NRP2: variants seen among roughly 807,000 people sequenced by gnomAD.
NRP2 encodes neuropilin-2.
NRP2 carries 52 observed loss-of-function variants against 110.4 expected under a neutral mutation model. The observed-to-expected ratio is 0.47, with a 90% CI of 0.38 to 0.59. The LOEUF is 0.59. Among genes scored for constraint, NRP2 ranks in the 20% least tolerant of loss-of-function variants. The pLI, the probability that NRP2 is intolerant of heterozygous loss-of-function variation, is 0.00. For synonymous variants in NRP2, 508 were observed against 468.9 expected (o/e 1.08, Z -1.08); for missense variants, 1,049 against 1,203.0 (o/e 0.87, Z 1.89).
intron 15 of NRP2, among the ~76,000 whole-genome samples, chr2:205,784,138 C>T (rs564897583): frequency 4.5e-4 from 69 of 152,286 alleles, no homozygotes; most frequent in African/African-American, 1.6e-3. Context: ...TACCATGCCA[C>T]GGCTTTCAGC....
intron 12 of NRP2, among the ~76,000 whole-genome samples, chr2:205,755,164 G>A (rs190679242): frequency 2.5e-3 from 386 of 152,210 alleles, no homozygotes; most frequent in African/African-American, 8.8e-3. Context: ...GTTGACCTTT[G>A]CTACTGGTTG....
intron 1 of NRP2, among the ~76,000 whole-genome samples, chr2:205,692,888 C>A (rs2056342935): frequency 6.6e-6 from 1 of 152,180 alleles, no homozygotes; most frequent in Admixed American, 6.5e-5. Context: ...CCTTTAGAAT[C>A]ACCCCTCTCA....
At chr2:205,733,425 C>T (rs977299467) in intron 7 of NRP2, among the ~76,000 whole-genome samples, 4 of 152,148 alleles carry the variant, frequency 2.6e-5, no homozygotes, top group African/African-American at 9.7e-5. Flanking sequence ...TTCCTTGCCC[C>T]AACCCCAACT....
At chr2:205,684,146 G>A (rs1419593122) in intron 1 of NRP2, among the ~76,000 whole-genome samples, 1 of 152,236 alleles carries the variant, frequency 6.6e-6, no homozygotes, top group African/African-American at 2.4e-5. Context: ...TGTGTGGACA[G>A]GCTGCTGTGG....
At chr2:205,764,136 T>G (rs1203842474) in intron 13 of NRP2, 200 bp downstream of exon 13, 3 of 657,762 alleles carry the variant, frequency 4.6e-6, no homozygotes, top group Non-Finnish European at 7.6e-6. Flanking sequence ...GTTCCTCCTG[T>G]TGCCTTTTAT....
rs1575552052 is a variant in NRP2, at chr2:205,699,250, T to G, written c.251+1529T>G. On this transcript the variant is annotated intron_variant, in intron 2 of 16. Transcript: ENST00000357785. ...CCCAAGGCTTCTGATTCCCTGACAG[T>G]GAACTTTATCAAAGATTTCTGTTAG... Among the ~76,000 whole-genome samples, 3 of 152,240 alleles carry G rather than the reference T, an allele frequency of 2.0e-5. No individual in the cohort carries two copies. The South Asian group carries it at 6.2e-4, about 32-fold the overall frequency.
rs548104769 is a variant in NRP2, at chr2:205,797,804, T to G, written c.*2746T>G. 1 of 152,680 alleles carries G rather than the reference T, an allele frequency of 6.5e-6. No homozygotes were observed. The highest frequency in any genetic ancestry group is 2.4e-5 in the African/African-American group (1 of 41,528). The allele number at this position is 152,680 out of a possible 1,614,324, so 9.5% of individuals were successfully genotyped here. On this transcript the variant is annotated 3_prime_UTR_variant, in exon 17 of 17. Coordinates refer to ENST00000357785, the MANE Select transcript of NRP2 (RefSeq NM_003872.3). ...ACTGAATGACACATTACCTCCACACTCTCCCGGACTAGGTGGTCAACAGGG... is the reference window on the plus strand; with the variant it reads ...ACTGAATGACACATTACCTCCACACGCTCCCGGACTAGGTGGTCAACAGGG...
chr2:205,761,893 T>A (rs570873576), intron 12 of NRP2: 49 of 152,328 alleles, frequency 3.2e-4, no homozygotes, highest in African/African-American at 1.1e-3. Flanking sequence ...ATAGAAAGGA[T>A]GACATGAAAT....
chr2:205,735,391 A>G (rs1195962550), intron 7 of NRP2, among the ~76,000 whole-genome samples: 1 of 150,582 alleles, frequency 6.6e-6, no homozygotes, highest in African/African-American at 2.4e-5. Context: ...AGCAGAGAAA[A>G]TGTTCTGAGA....
At chr2:205,712,493 C>G (rs10490680) in intron 2 of NRP2, among the ~76,000 whole-genome samples, 2,107 of 152,246 alleles carry the variant, frequency 0.014, 12 homozygotes, top group Non-Finnish European at 0.021. Context: ...ATATTAGACA[C>G]TAGATGCAAA....
At chr2:205,685,310 TC>T (rs1000239416) in intron 1 of NRP2, among the ~76,000 whole-genome samples, 4 of 152,122 alleles carry the variant, frequency 2.6e-5, no homozygotes, top group Middle Eastern at 3.4e-3. Context: ...GACCTCCAGC[TC>T]CCCAAAATGC....
rs189417981 is a variant in NRP2, at chr2:205,687,889, G to T, written c.73+4526G>T. ...CGAATACAAATGACAGTGAGGGAGGGGTCTGGGGTCAGTGAGGAGAGACAC... is the reference window on the plus strand; with the variant it reads ...CGAATACAAATGACAGTGAGGGAGGTGTCTGGGGTCAGTGAGGAGAGACAC... On this transcript the variant is annotated intron_variant, in intron 1 of 16. Transcript: ENST00000357785. Among the ~76,000 whole-genome samples the T allele has an allele frequency of 2.0e-5, 3 of 152,322 alleles. No individual in the cohort carries two copies. The East Asian group carries it at 5.8e-4, about 29-fold the overall frequency.
At chr2:205,762,749 T>C (rs872943) in intron 12 of NRP2, among the ~76,000 whole-genome samples, 22,137 of 152,160 alleles carry the variant, frequency 0.15, 2,110 homozygotes, top group African/African-American at 0.26. Flanking sequence ...AATGGTCCTG[T>C]ACAAGTTGGA....
At chr2:205,696,305 A>G (rs1241143435) in intron 1 of NRP2, among the ~76,000 whole-genome samples, 1 of 152,192 alleles carries the variant, frequency 6.6e-6, no homozygotes, top group Non-Finnish European at 1.5e-5. Context: ...CAAAGAGTGA[A>G]CACAGGAGAA....
intron 15 of NRP2, among the ~76,000 whole-genome samples, chr2:205,771,252 A>G (rs2058019221): frequency 6.6e-6 from 1 of 152,218 alleles, no homozygotes; most frequent in Non-Finnish European, 1.5e-5. Flanking sequence ...GCAGATGGAA[A>G]GAGTCGTTTC....
chr2:205,757,310 G>A (rs970340498), intron 12 of NRP2, among the ~76,000 whole-genome samples: 1 of 152,120 alleles, frequency 6.6e-6, no homozygotes, highest in Non-Finnish European at 1.5e-5. Flanking sequence ...AACAGTGGCT[G>A]GCTATTCCTT....
intron 7 of NRP2, among the ~76,000 whole-genome samples, chr2:205,737,242 C>T (rs1237109927): frequency 1.3e-5 from 2 of 152,324 alleles, no homozygotes; most frequent in South Asian, 2.1e-4. Context: ...CCACAGCCAC[C>T]GTCTGCAAAA....
At chr2:205,748,816 G>A (rs1256834866) in intron 10 of NRP2, among the ~76,000 whole-genome samples, 1 of 152,124 alleles carries the variant, frequency 6.6e-6, no homozygotes, top group Non-Finnish European at 1.5e-5. Flanking sequence ...CCCACCCAGG[G>A]CCTGACTCAT....
intron 2 of NRP2, among the ~76,000 whole-genome samples, chr2:205,708,201 C>G (rs2056723160): frequency 6.6e-6 from 1 of 152,178 alleles, no homozygotes; most frequent in Non-Finnish European, 1.5e-5. Flanking sequence ...CAGAGCAGAC[C>G]AACGAAAGAC....
Sources: gnomAD v4.1 joint callset for allele counts (sites outside exome capture counted in the v4.1 genomes callset) on GRCh38, gnomAD v4.1.1 for gene constraint, MANE v1.5 for transcripts, NCBI Gene and HGNC (gene_info 2026-07-23, HGNC 2026-07-21) for gene names.